SLC2A6: variants seen among roughly 807,000 people sequenced by gnomAD.
SLC2A6 encodes the protein solute carrier family 2, facilitated glucose transporter member 6.
In SLC2A6, 39 loss-of-function variants were observed where a neutral mutation model predicts 47.8. The observed-to-expected ratio is 0.82, with a 90% CI of 0.63 to 1.07. The LOEUF is 1.07. SLC2A6 is among the 50% of genes least tolerant of loss of function. SLC2A6 has a pLI of 0.00. For missense variants in SLC2A6, 650 were observed against 707.6 expected, an observed-to-expected ratio of 0.92 and a Z score of 0.92; for synonymous variants, 346 against 324.1, an observed-to-expected ratio of 1.07 and a Z score of -0.73.
At position 133,473,742 on chromosome 9, in the gene SLC2A6, C is replaced by CT. The variant is rs1843827155; in HGVS notation, c.1037-143dup. On this transcript the variant is annotated intron_variant, in intron 7 of 9. Transcript: ENST00000371899. ...GAGACCCCCAGCAGGGCAGCAAGCT[C>CT]TGTCTCCAGCCGCGTGTTAGGCTCC... The CT allele has an allele frequency of 9.9e-6, 9 of 908,994 alleles. No individual in the cohort carries two copies. In the East Asian group the frequency reaches 2.2e-4, roughly 23 times the overall value. 56.3% of individuals were successfully genotyped at this position (908,994 alleles called of 1,614,324 possible).
At chr9:133,478,214 T>C in intron 2 of SLC2A6, 40 bp downstream of exon 2, 1 of 1,608,196 alleles carries the variant, frequency 6.2e-7, no homozygotes, top group Non-Finnish European at 8.5e-7. Flanking sequence ...AGCAGGTCCC[T>C]CCTTCCTGCA....
chr9:133,472,164 G>C lies in SLC2A6; in HGVS notation c.1381C>G (p.Leu461Val), dbSNP rs782791574. The C allele has an allele frequency of 1.2e-6, 2 of 1,613,080 alleles. No individual in the cohort carries two copies. Among genetic ancestry groups the C allele is most frequent in the Non-Finnish European group, 1.7e-6 (2 of 1,179,912 alleles). ...SFLPVVSTFG[L>V]QVPFFFFAAI... ...GCGAAGAAGAAGAAAGGCACCTGGA[G>C]GCCGAAGGTGCTCTGCGGGTGAAGA... Residue 461 changes from leucine (L) to valine (V), a missense_variant, in exon 10 of 10, where the codon CTC becomes GTC. By Grantham distance (32) the Leu-to-Val change is conservative (BLOSUM62 1). Coordinates refer to ENST00000371899, the MANE Select transcript of SLC2A6 (RefSeq NM_017585.4).
In SLC2A6 at chr9:133,471,930, C is replaced by T. The variant is rs1323356880; in HGVS notation, c.*91G>A. 2.4e-5 allele frequency: 34 copies of T among 1,446,646 alleles called. No individual in the cohort carries two copies. Among genetic ancestry groups the T allele is most frequent in the Admixed American group, 8.1e-5 (4 of 49,554 alleles). The allele number at this position is 1,446,646 out of a possible 1,614,324, so 89.6% of individuals were successfully genotyped here. A position where few individuals can be genotyped will look rare whatever the true frequency, so the allele number is the denominator to read the frequency against. The stretch of plus-strand genomic sequence containing the variant: ...GTGCTCTGGCTGGTGGCAGGGATGA[C>T]TGCTGCCTCTTGGTCCCAGGGTGCA... On this transcript the variant is annotated 3_prime_UTR_variant, in exon 10 of 10. Coordinates refer to ENST00000371899, the MANE Select transcript of SLC2A6 (RefSeq NM_017585.4).
intron 6 of SLC2A6, 32 bp from the exon 7 acceptor site, chr9:133,474,120 C>A (rs782445648): frequency 2.6e-6 from 4 of 1,520,392 alleles, no homozygotes; most frequent in South Asian, 1.2e-5. Flanking sequence ...GGCTGAGGGA[C>A]CTGCCTGCTG....
At position 133,477,230 on chromosome 9, in the gene SLC2A6, G is replaced by C. The variant is rs587685567; in HGVS notation, c.267C>G (p.Thr89=). The change falls in exon 3 of 10, where the codon ACC becomes ACG. Residue 89 remains threonine (T), a synonymous_variant. Transcript: ENST00000371899. Reference sequence around the variant, plus strand: ...TCAGGCCTCCGGCCGCTGCTCCCAGGGTGAACACGGACTGCAGGGGAAGGG... The same window carrying C: ...TCAGGCCTCCGGCCGCTGCTCCCAGCGTGAACACGGACTGCAGGGGAAGGG... The part of the protein sequence containing the change: ...SQASWFGSVF[T]LGAAAGGLSA... The C allele has an allele frequency of 1.8e-5, 28 of 1,550,860 alleles. No homozygotes were observed. The Admixed American group carries it at 2.5e-4, about 14-fold the overall frequency.
At chr9:133,476,530 A>G (rs910225680) in intron 3 of SLC2A6, 194 bp from the exon 4 acceptor site, 23 of 596,790 alleles carry the variant, frequency 3.9e-5, no homozygotes, top group Middle Eastern at 3.9e-4. Flanking sequence ...CAGTTTCCCT[A>G]ACTGTGACGT....
At chr9:133,478,901 C>T (rs1844068088) in intron 1 of SLC2A6, 67 bp downstream of exon 1, 4 of 1,430,278 alleles carry the variant, frequency 2.8e-6, no homozygotes, top group Non-Finnish European at 3.7e-6. Context: ...GGGAGCCTGC[C>T]GCCGGCTGGA....
rs782171117 is a variant in SLC2A6 at position 133,474,056 on chromosome 9, G to T, written c.960C>A (p.Ala320=). 6.2e-7 allele frequency: 1 copy of T among 1,609,772 alleles called. No homozygotes were observed. Among genetic ancestry groups the T allele is most frequent in the Admixed American group, 1.7e-5 (1 of 59,810 alleles). The change falls in exon 7 of 10, where the codon GCC becomes GCA. Residue 320 remains alanine (A), a synonymous_variant. Transcript: ENST00000371899. ...PPKDDAAIVG[A]VRLLSVLIAA... ...CGATCAGCACGGACAGGAGCCGCAC[G>T]GCCCCAACGATGGCTGCGTCGTCCT...
At position 133,474,994 on chromosome 9, in the gene SLC2A6, C is replaced by T; in HGVS notation, c.894G>A (p.Leu298=). The change falls in exon 6 of 10, where the codon CTG becomes CTA. Residue 298 remains leucine (L), a synonymous_variant. Coordinates refer to ENST00000371899, the MANE Select transcript of SLC2A6 (RefSeq NM_017585.4). ...LTGITPILVY[L]QSIFDSTAVL... is the part of the protein sequence containing the mutation. Reference sequence around the variant, plus strand: ...CAGCGGTGCTGTCGAAGATGGACTGCAGGTAGACCAGGATGGGCGTGATGC... The same window carrying T: ...CAGCGGTGCTGTCGAAGATGGACTGTAGGTAGACCAGGATGGGCGTGATGC... 1 of 1,590,496 alleles carries T rather than the reference C, an allele frequency of 6.3e-7. No individual in the cohort carries two copies. Among genetic ancestry groups the T allele is most frequent in the Non-Finnish European group, 8.5e-7 (1 of 1,169,822 alleles).
chr9:133,473,509 T>G lies in SLC2A6; in HGVS notation c.1128A>C (p.Glu376Asp), dbSNP rs1843815172. ...GCGCCAAGTCCCCCCAGGACTCGCT[T>G]TCCAGGCCCGCAGTGCTGTTGGGGC... ...PLSPNSTAGL[E>D]SESWGDLAQP... The change falls in exon 8 of 10, where the codon GAA becomes GAC. Residue 376 changes from glutamate to aspartate, a missense_variant. Coordinates refer to ENST00000371899, the MANE Select transcript of SLC2A6 (RefSeq NM_017585.4). The G allele has an allele frequency of 5.0e-6, 8 of 1,600,862 alleles. No homozygotes were observed. Among genetic ancestry groups the G allele is most frequent in the Non-Finnish European group, 6.0e-6 (7 of 1,175,446 alleles).
chr9:133,476,959 G>A, intron 3 of SLC2A6, 76 bp downstream of exon 3: 4 of 1,445,668 alleles, frequency 2.8e-6, no homozygotes, highest in Non-Finnish European at 1.9e-6. Flanking sequence ...ATGGAGGCTG[G>A]GAGGCCTTAG....
In SLC2A6 at chr9:133,471,682, C is replaced by T. The variant is rs41307428; in HGVS notation, c.*339G>A. 7,813 of 243,654 alleles carry T rather than the reference C, an allele frequency of 0.032. 334 individuals carry two copies. Among genetic ancestry groups the T allele is most frequent in the South Asian group, 0.069 (609 of 8,854 alleles). 15.1% of individuals were successfully genotyped at this position (243,654 alleles called of 1,614,324 possible). ...CCAGCCCTGTCCTCTCAGTCCTCCC[C>T]GTAGCCTTCTGTGGGGCGTGTCCTT... On this transcript the variant is annotated 3_prime_UTR_variant, in exon 10 of 10. Transcript: ENST00000371899.
rs1554802274 is a variant in SLC2A6 at position 133,473,449 on chromosome 9, C to T, written c.1188G>A (p.Leu396=). 7 of 1,605,934 alleles carry T rather than the reference C, an allele frequency of 4.4e-6. No homozygotes were observed. Among genetic ancestry groups the T allele is most frequent in the Non-Finnish European group, 5.1e-6 (6 of 1,177,484 alleles). ...AGAGCATGGTGGCCAGCAGGGGCAC[C>T]AGGGTGAGGTAGCCAGCGGGTGCTG... The part of the protein sequence containing the change: ...PLAAPAGYLT[L]VPLLATMLFI... Residue 396 remains leucine (L), a synonymous_variant, in exon 8 of 10, where the codon CTG becomes CTA. Transcript: ENST00000371899.
rs782697242 is a variant in SLC2A6, at chr9:133,475,074, C to T, written c.814G>A (p.Val272Met). The T allele has an allele frequency of 4.1e-5, 65 of 1,597,584 alleles. No homozygotes were observed. The highest frequency in any genetic ancestry group is 1.6e-4 in the African/African-American group (12 of 74,632). The change falls in exon 6 of 10, where the codon GTG (valine) becomes ATG (methionine). Residue 272 changes from valine (V) to methionine (M), a missense_variant. Val to Met is a conservative substitution (Grantham distance 21, BLOSUM62 1). Coordinates refer to ENST00000371899, the MANE Select transcript of SLC2A6 (RefSeq NM_017585.4). The part of the protein sequence containing the change: ...VSWAEARAPH[V>M]CRPITVALLM... ...AAGGCCACGGTGATGGGCCGGCACA[C>T]GTGTGGGGCCCGTGCCTCAGCCCAC...
chr9:133,478,812 TA>T, intron 1 of SLC2A6, 155 bp downstream of exon 1: 1 of 646,060 alleles, frequency 1.5e-6, no homozygotes, highest in Non-Finnish European at 2.6e-6. Context: ...ACCAGTTCCT[TA>T]AATAGGAGTA....
chr9:133,477,543 C>T (rs1419049696), intron 2 of SLC2A6, among the ~76,000 whole-genome samples: 2 of 152,354 alleles, frequency 1.3e-5, no homozygotes, highest in East Asian at 3.9e-4. Context: ...CTTGAAGGTA[C>T]TGGGCTTTAA....
Position 133,471,955 on chromosome 9 carries a change from A to G in SLC2A6, c.*66T>C. On this transcript the variant is annotated 3_prime_UTR_variant, in exon 10 of 10. Coordinates refer to ENST00000371899, the MANE Select transcript of SLC2A6 (RefSeq NM_017585.4). The stretch of plus-strand genomic sequence containing the variant: ...CTGCTGCCTCTTGGTCCCAGGGTGC[A>G]GGTTTGTAGCCAACACAGAGGCCCA... The G allele has an allele frequency of 1.9e-6, 3 of 1,548,510 alleles. No individual in the cohort carries two copies. The highest frequency in any genetic ancestry group is 2.6e-6 in the Non-Finnish European group (3 of 1,138,904).
At position 133,471,912 on chromosome 9, in the gene SLC2A6, G is replaced by C. The variant is rs1554801547; in HGVS notation, c.*109C>G. On this transcript the variant is annotated 3_prime_UTR_variant, in exon 10 of 10. Transcript: ENST00000371899. ...CATCACACTGCTCTTCCTGTGCTCT[G>C]GCTGGTGGCAGGGATGACTGCTGCC... 7.5e-7 allele frequency: 1 copy of C among 1,324,812 alleles called. No homozygotes were observed. The highest frequency in any genetic ancestry group is 1.5e-5 in the African/African-American group (1 of 68,476). 82.1% of individuals were successfully genotyped at this position (1,324,812 alleles called of 1,614,324 possible).
rs1278168251 is a variant in SLC2A6 at position 133,477,126 on chromosome 9, G to A, written c.371C>T (p.Ala124Val). The A allele has an allele frequency of 9.7e-6, 15 of 1,549,140 alleles. No homozygotes were observed. The highest frequency in any genetic ancestry group is 1.4e-5 in the African/African-American group (1 of 73,008). ...GAGGCCGTGCGCACCCGCCATGAGC[G>A]CATAGCCGGCCGCCGACGGCACAGC... ...FSAVPSAAGY[A>V]LMAGAHGLWM... The change falls in exon 3 of 10, where the codon GCG becomes GTG. Residue 124 changes from alanine to valine, a missense_variant. Physicochemically the swap from Ala to Val is moderately conservative, Grantham distance 64. Transcript: ENST00000371899.
Sources: allele counts gnomAD v4.1 joint callset (sites outside exome capture counted in the v4.1 genomes callset), GRCh38; gene constraint gnomAD v4.1.1; transcripts MANE v1.5; gene names NCBI Gene and HGNC (gene_info 2026-07-23, HGNC 2026-07-21).